The following STXBP5L variants were observed in gnomAD, a reference collection of about 807,000 sequenced individuals.
STXBP5L encodes syntaxin-binding protein 5-like.
A neutral mutation model predicts 144.5 loss-of-function variants in STXBP5L; 65 were observed. That is an observed-to-expected ratio of 0.45 (90% confidence interval 0.37 to 0.55). STXBP5L has a LOEUF of 0.55. Among genes scored for constraint, STXBP5L ranks in the 20% least tolerant of loss-of-function variants. The pLI is 0.00. For missense variants in STXBP5L, 1,298 were observed against 1,405.5 expected (o/e 0.92, Z 1.22); for synonymous variants, 505 against 469.6 (o/e 1.08, Z -0.97).
chr3:121,196,867 G>GATTC (rs1401036030), intron 9 of STXBP5L, among the ~76,000 whole-genome samples: 1 of 151,502 alleles, frequency 6.6e-6, no homozygotes, highest in Admixed American at 6.6e-5. Flanking sequence ...TTGATTGATT[G>GATTC]AGACAGGGTC....
chr3:120,992,136 TA>T (rs943587712), intron 3 of STXBP5L, among the ~76,000 whole-genome samples: 1 of 152,102 alleles, frequency 6.6e-6, no homozygotes, highest in Non-Finnish European at 1.5e-5. Flanking sequence ...CTTTTTTCTT[TA>T]AAAAAACTTA....
At chr3:121,377,522 G>A (rs2046218141) in intron 20 of STXBP5L, among the ~76,000 whole-genome samples, 1 of 152,150 alleles carries the variant, frequency 6.6e-6, no homozygotes, top group African/African-American at 2.4e-5. Flanking sequence ...AGTGGGCAAA[G>A]CTGTGAACAG....
intron 2 of STXBP5L, among the ~76,000 whole-genome samples, chr3:120,934,091 C>CTTTTTTT (rs200329422): frequency 1.4e-5 from 2 of 138,048 alleles, no homozygotes; most frequent in African/African-American, 5.3e-5. Context: ...TTTTCTTTTT[C>CTTTTTTT]TTTTTTTTTT....
At position 121,407,251 on chromosome 3, in the gene STXBP5L, C is replaced by G. The variant is rs774837323; in HGVS notation, c.2596C>G (p.Leu866Val). 1 of 1,558,600 alleles carries G rather than the reference C, an allele frequency of 6.4e-7. No individual in the cohort carries two copies. Among genetic ancestry groups the G allele is most frequent in the Admixed American group, 2.0e-5 (1 of 50,932 alleles). Residue 866 changes from leucine (L) to valine (V), a missense_variant, in exon 23 of 27, where the codon CTC becomes GTC. Coordinates refer to ENST00000471454, the MANE Select transcript of STXBP5L (RefSeq NM_001308330.2). ...PVMVLPSGTFLSLKGAVLTFS... is the reference protein window; with the variant it reads ...PVMVLPSGTFVSLKGAVLTFS... ...TCCAATTGTTTTTATAGGTACATTC[C>G]TCTCATTGAAAGGAGCTGTGCTAAC...
At chr3:121,023,186 C>T (rs1050187149) in intron 3 of STXBP5L, among the ~76,000 whole-genome samples, 2 of 151,754 alleles carry the variant, frequency 1.3e-5, no homozygotes, top group Non-Finnish European at 2.9e-5. Context: ...ATATACTTAA[C>T]CAAGGAGATT....
At chr3:121,274,780 C>T (rs890835465) in intron 18 of STXBP5L, among the ~76,000 whole-genome samples, 1 of 152,100 alleles carries the variant, frequency 6.6e-6, no homozygotes. Flanking sequence ...GCCATGATGA[C>T]TTGGTCCCAG....
At chr3:121,305,570 T>C (rs1028838753) in intron 19 of STXBP5L, among the ~76,000 whole-genome samples, 7 of 152,164 alleles carry the variant, frequency 4.6e-5, no homozygotes, top group Non-Finnish European at 1.0e-4. Context: ...GTCATATCAA[T>C]ACATGTGAAA....
In STXBP5L at chr3:121,268,622, C is replaced by T. The variant is rs147052604; in HGVS notation, c.1958+9454C>T. Among the ~76,000 whole-genome samples, 668 of 151,894 alleles carry T rather than the reference C, an allele frequency of 4.4e-3. 6 individuals carry two copies. The highest frequency in any genetic ancestry group is 0.015 in the African/African-American group (622 of 41,418). ...TTATATACTTGAATACACATTAAAG[C>T]GTAATAGATTGATTTCATCTAATGA... On this transcript the variant is annotated intron_variant, in intron 18 of 26. Coordinates refer to ENST00000471454, the MANE Select transcript of STXBP5L (RefSeq NM_001308330.2).
intron 5 of STXBP5L, among the ~76,000 whole-genome samples, chr3:121,077,802 C>T (rs2042083625): frequency 6.6e-6 from 1 of 152,132 alleles, no homozygotes; most frequent in Non-Finnish European, 1.5e-5. Context: ...TCCAAGTCCC[C>T]ATCAGAGTAG....
intron 3 of STXBP5L, among the ~76,000 whole-genome samples, chr3:121,039,179 C>T (rs530713514): frequency 9.9e-5 from 15 of 151,910 alleles, no homozygotes; most frequent in African/African-American, 3.6e-4. Flanking sequence ...TTAGCTCCCC[C>T]CAACAATATT....
chr3:121,292,320 CA>C (rs2051471328), intron 19 of STXBP5L, among the ~76,000 whole-genome samples: 1 of 152,092 alleles, frequency 6.6e-6, no homozygotes, highest in South Asian at 2.1e-4. Context: ...CAGGGAAATG[CA>C]AATCAAAATC....
intron 20 of STXBP5L, among the ~76,000 whole-genome samples, chr3:121,331,157 C>A (rs1213029868): frequency 2.6e-5 from 4 of 152,212 alleles, no homozygotes; most frequent in Non-Finnish European, 4.4e-5. Flanking sequence ...ATCCAGATGG[C>A]AGGTCTTGAG....
intron 20 of STXBP5L, among the ~76,000 whole-genome samples, chr3:121,378,381 T>C (rs1039850288): frequency 7.2e-5 from 11 of 152,272 alleles, no homozygotes; most frequent in African/African-American, 2.4e-4. Context: ...CTCCAAGCAC[T>C]TAAAGTACTT....
At chr3:121,195,408 G>A (rs559672112) in intron 9 of STXBP5L, among the ~76,000 whole-genome samples, 4 of 152,042 alleles carry the variant, frequency 2.6e-5, no homozygotes, top group South Asian at 2.1e-4. Context: ...CATCCATCGC[G>A]TCACATAATT....
At chr3:121,304,555 C>G (rs2043269921) in intron 19 of STXBP5L, among the ~76,000 whole-genome samples, 2 of 152,102 alleles carry the variant, frequency 1.3e-5, no homozygotes, top group Admixed American at 6.6e-5. Context: ...TAGGAATCAA[C>G]AGTATGTATA....
chr3:121,117,679 T>C (rs1423203803), intron 6 of STXBP5L, among the ~76,000 whole-genome samples: 1 of 151,816 alleles, frequency 6.6e-6, no homozygotes, highest in East Asian at 1.9e-4. Flanking sequence ...TATGAGATTG[T>C]TTCTATTTTA....
chr3:120,932,249 G>C (rs901234143), intron 2 of STXBP5L, among the ~76,000 whole-genome samples: 1 of 152,128 alleles, frequency 6.6e-6, no homozygotes, highest in Non-Finnish European at 1.5e-5. Flanking sequence ...ACTTGAAATA[G>C]TGTTCTTGGA....
intron 13 of STXBP5L, 47 bp downstream of exon 13, chr3:121,239,165 G>A: frequency 2.7e-6 from 3 of 1,125,564 alleles, no homozygotes; most frequent in East Asian, 2.8e-5. Flanking sequence ...CATATCACAT[G>A]ATCATACTTT....
At chr3:121,078,636 G>T (rs1251787631) in intron 5 of STXBP5L, among the ~76,000 whole-genome samples, 3 of 152,208 alleles carry the variant, frequency 2.0e-5, no homozygotes, top group Non-Finnish European at 4.4e-5. Context: ...AGTGGGGGAG[G>T]CTCAGGCATG....
Sources: gnomAD v4.1 joint callset for allele counts (sites outside exome capture counted in the v4.1 genomes callset) on GRCh38, gnomAD v4.1.1 for gene constraint, MANE v1.5 for transcripts, NCBI Gene and HGNC (gene_info 2026-07-23, HGNC 2026-07-21) for gene names.